GLRA2: variants seen among roughly 807,000 people sequenced by gnomAD.
The protein encoded by GLRA2 is glycine receptor alpha 2.
GLRA2 carries 11 observed loss-of-function variants against 31.6 expected under a neutral mutation model. The ratio of observed to expected loss-of-function variants is 0.35; its 90% CI spans 0.22 to 0.58. The LOEUF (loss-of-function observed/expected upper bound fraction) is 0.58, where lower values mean the gene tolerates loss of function less well. GLRA2 is among the 20% of genes least tolerant of loss of function. GLRA2 has a pLI of 0.84. For missense variants in GLRA2, 212 were observed against 351.8 expected (o/e 0.60, Z 3.18); for synonymous variants, 132 against 134.0 (o/e 0.99, Z 0.10).
At position 14,557,102 on chromosome X, in the gene GLRA2, C is replaced by CTTT. The variant is rs58282642; in HGVS notation, c.203-17202_203-17200dup. Among the ~76,000 whole-genome samples the CTTT allele has an allele frequency of 1.6e-3, 76 of 46,339 alleles. 1 individual carries two copies. Among genetic ancestry groups the CTTT allele is most frequent in the East Asian group, 3.5e-3 (4 of 1,149 alleles). 40.2% of individuals were successfully genotyped at this position (46,339 alleles called of 115,157 possible). ...TGCCATGTCTTCACCTAAAGTATTT[C>CTTT]TTTTTTTTTTTTTTTTTTTTTTTTT... is the stretch of plus-strand genomic sequence containing the variant. On this transcript the variant is annotated intron_variant, in intron 2 of 8. Transcript: ENST00000218075.
the GLRA2 span, among the ~76,000 whole-genome samples, chrX:14,516,929 C>T: frequency 4.5e-5 from 5 of 111,993 alleles, no homozygotes; most frequent in Non-Finnish European, 9.4e-5. Context: ...GCCTCAGCTT[C>T]CATGTAACAG....
chrX:14,572,884 T>A (rs1022063538), intron 2 of GLRA2, among the ~76,000 whole-genome samples: 1 of 112,253 alleles, frequency 8.9e-6, no homozygotes. Flanking sequence ...TCTATCAAAA[T>A]TCATTAGTAA....
At chrX:14,543,909 G>T (rs1022943621) in intron 2 of GLRA2, among the ~76,000 whole-genome samples, 7 of 111,710 alleles carry the variant, frequency 6.3e-5, no homozygotes, top group Non-Finnish European at 1.3e-4. Flanking sequence ...TGGAGAACCA[G>T]TGTTTTATGG....
chrX:14,532,484 T>C lies in GLRA2; in HGVS notation c.202+112T>C. 3 of 427,330 alleles carry C rather than the reference T, an allele frequency of 7.0e-6. No individual in the cohort carries two copies. The South Asian group carries it at 2.6e-4, about 37-fold the overall frequency. The allele number at this position is 427,330 out of a possible 1,213,427, so 35.2% of individuals were successfully genotyped here. A position where few individuals can be genotyped will look rare whatever the true frequency, so the allele number is the denominator to read the frequency against. On this transcript the variant is annotated intron_variant, in intron 2 of 8. Coordinates refer to ENST00000218075, the MANE Select transcript of GLRA2 (RefSeq NM_002063.4). The stretch of plus-strand genomic sequence containing the variant: ...AATTATAAAATGAAAATGACAAGTA[T>C]AGTGTTCATTTTATTTTGGTATTCT...
At chrX:14,521,133 A>C in the GLRA2 span, among the ~76,000 whole-genome samples, 4 of 112,473 alleles carry the variant, frequency 3.6e-5, no homozygotes, top group Non-Finnish European at 1.9e-5. Context: ...GATCCCTGAG[A>C]TATTTGTGAT....
the GLRA2 span, among the ~76,000 whole-genome samples, chrX:14,467,089 A>G: frequency 1.8e-5 from 2 of 112,422 alleles, no homozygotes; most frequent in Non-Finnish European, 3.8e-5. Flanking sequence ...CCTAAGTTAT[A>G]TGTGCTATAT....
intron 7 of GLRA2, among the ~76,000 whole-genome samples, chrX:14,685,775 A>G (rs1473999751): frequency 9.0e-6 from 1 of 111,175 alleles, no homozygotes; most frequent in Non-Finnish European, 1.9e-5. Flanking sequence ...TCCTGGATTC[A>G]TTGATTTTTT....
chrX:14,582,921 G>A, intron 4 of GLRA2, among the ~76,000 whole-genome samples: 1 of 112,193 alleles, frequency 8.9e-6, no homozygotes. Context: ...ATAGATGGTG[G>A]ACTGGATTTG....
the GLRA2 span, among the ~76,000 whole-genome samples, chrX:14,478,269 T>G: frequency 0.061 from 6,801 of 111,207 alleles, 545 homozygotes; most frequent in African/African-American, 0.21. Context: ...GTCGCTTTTT[T>G]CTTATACTAA....
chrX:14,702,951 G>C (rs1056717692), intron 8 of GLRA2, among the ~76,000 whole-genome samples: 6 of 111,314 alleles, frequency 5.4e-5, no homozygotes, highest in Non-Finnish European at 1.1e-4. Flanking sequence ...GGGCTCACTT[G>C]TCTAGGTGAT....
At chrX:14,459,738 C>A in the GLRA2 span, among the ~76,000 whole-genome samples, 1 of 111,815 alleles carries the variant, frequency 8.9e-6, no homozygotes, top group Non-Finnish European at 1.9e-5. Context: ...CCTGAGACTG[C>A]TGAAGTTGCT....
intron 8 of GLRA2, among the ~76,000 whole-genome samples, chrX:14,697,689 G>A (rs1220988830): frequency 3.6e-5 from 4 of 110,378 alleles, no homozygotes; most frequent in Non-Finnish European, 7.6e-5. Context: ...CTTGTTCTAT[G>A]GCATGGCATG....
chrX:14,684,464 C>A (rs1414138576), intron 7 of GLRA2, among the ~76,000 whole-genome samples: 4 of 111,501 alleles, frequency 3.6e-5, no homozygotes, highest in Non-Finnish European at 7.5e-5. Flanking sequence ...GAATGTTCTT[C>A]CATTTGTTTG....
chrX:14,669,040 G>C (rs577317249), intron 7 of GLRA2, among the ~76,000 whole-genome samples: 53 of 112,366 alleles, frequency 4.7e-4, no homozygotes, highest in African/African-American at 1.6e-3. Flanking sequence ...GATACAATCG[G>C]GATACAGGCA....
At chrX:14,485,897 A>G in the GLRA2 span, among the ~76,000 whole-genome samples, 3 of 111,942 alleles carry the variant, frequency 2.7e-5, no homozygotes, top group Non-Finnish European at 5.6e-5. Context: ...CTATCCCTAT[A>G]GTGCCTTTCT....
Position 14,690,914 on chromosome X carries a change from A to G in GLRA2, c.1080+55A>G, listed in dbSNP as rs756046688. On this transcript the variant is annotated intron_variant, in intron 8 of 8. Transcript: ENST00000218075. ...AGAGCTTGAGTTGGTTAGCTAGGCAATGTAATTCAGAAAACAGAAGAGCAC... is the reference window on the plus strand; with the variant it reads ...AGAGCTTGAGTTGGTTAGCTAGGCAGTGTAATTCAGAAAACAGAAGAGCAC... The G allele has an allele frequency of 2.6e-4, 297 of 1,149,910 alleles. 3 individuals are homozygous for G. The South Asian group carries it at 3.9e-3, about 15-fold the overall frequency. 94.8% of individuals were successfully genotyped at this position (1,149,910 alleles called of 1,213,427 possible).
At chrX:14,664,933 C>T (rs2091024691) in intron 7 of GLRA2, among the ~76,000 whole-genome samples, 1 of 111,569 alleles carries the variant, frequency 9.0e-6, no homozygotes, top group African/African-American at 3.3e-5. Flanking sequence ...CACTGGCAGC[C>T]TAACACATTG....
At chrX:14,467,806 G>C in the GLRA2 span, among the ~76,000 whole-genome samples, 1 of 110,170 alleles carries the variant, frequency 9.1e-6, no homozygotes, top group Admixed American at 9.7e-5. Flanking sequence ...CTCCTGAAGT[G>C]TGATATAAAT....
the GLRA2 span, among the ~76,000 whole-genome samples, chrX:14,507,689 C>CTTTTTTTTTTTTTTTTTTTT: frequency 3.6e-3 from 170 of 46,636 alleles, 31 homozygotes; most frequent in African/African-American, 5.7e-3. Flanking sequence ...GAAAGACATT[C>CTTTTTTTTTTTTTTTTTTTT]TTTTTTTTTT....
Sources: allele counts gnomAD v4.1 joint callset (sites outside exome capture counted in the v4.1 genomes callset), GRCh38; gene constraint gnomAD v4.1.1; transcripts MANE v1.5; gene names NCBI Gene and HGNC (gene_info 2026-07-23, HGNC 2026-07-21).